Variants in KCNH7 observed in about 807,000 individuals in gnomAD.
The protein encoded by KCNH7 is voltage-gated inwardly rectifying potassium channel KCNH7.
Under a neutral mutation model 120.8 loss-of-function variants are expected in KCNH7, and 49 were observed. That is an observed-to-expected ratio of 0.41 (90% confidence interval 0.32 to 0.51). The LOEUF is 0.51. Ranked by LOEUF, KCNH7 falls within the 20% of genes least tolerant of loss-of-function variation. KCNH7 has a pLI of 0.38. For missense variants in KCNH7, 1,097 were observed against 1,446.6 expected (o/e 0.76, Z 3.92); for synonymous variants, 547 against 516.1 (o/e 1.06, Z -0.81).
intron 2 of KCNH7, among the ~76,000 whole-genome samples, chr2:162,663,225 G>A (rs1383626038): frequency 3.3e-5 from 5 of 152,188 alleles, no homozygotes; most frequent in Non-Finnish European, 5.9e-5. Flanking sequence ...GTAGGCACAT[G>A]GCAGACGTCT....
chr2:162,660,345 G>A (rs1684915779), intron 2 of KCNH7, among the ~76,000 whole-genome samples: 1 of 152,014 alleles, frequency 6.6e-6, no homozygotes, highest in Admixed American at 6.5e-5. Flanking sequence ...TTAGTTCAAA[G>A]TCTTTTTAAT....
chr2:162,827,468 A>T (rs1685327898), intron 2 of KCNH7, among the ~76,000 whole-genome samples: 1 of 152,144 alleles, frequency 6.6e-6, no homozygotes. Flanking sequence ...GCCATTTAAA[A>T]TGATGCAGAT....
At chr2:162,422,113 T>A (rs968863833) in intron 9 of KCNH7, among the ~76,000 whole-genome samples, 4 of 152,058 alleles carry the variant, frequency 2.6e-5, no homozygotes, top group Non-Finnish European at 5.9e-5. Flanking sequence ...ACTCATGGAG[T>A]TTTGTGTGAA....
At chr2:162,469,323 C>T (rs1296528261) in intron 6 of KCNH7, among the ~76,000 whole-genome samples, 1 of 152,136 alleles carries the variant, frequency 6.6e-6, no homozygotes, top group African/African-American at 2.4e-5. Flanking sequence ...AATTGAACAA[C>T]TATGCTTTTG....
At chr2:162,652,450 G>C (rs1023220181) in intron 2 of KCNH7, among the ~76,000 whole-genome samples, 6 of 152,102 alleles carry the variant, frequency 3.9e-5, no homozygotes, top group Non-Finnish European at 7.4e-5. Flanking sequence ...GGGTAGTGTG[G>C]GGGATTGTTT....
intron 2 of KCNH7, among the ~76,000 whole-genome samples, chr2:162,551,893 T>A (rs1452361168): frequency 6.6e-6 from 1 of 152,078 alleles, no homozygotes; most frequent in African/African-American, 2.4e-5. Flanking sequence ...TGGTGATAAA[T>A]TGTGAGGATT....
intron 2 of KCNH7, among the ~76,000 whole-genome samples, chr2:162,789,748 C>T (rs1683854033): frequency 6.6e-6 from 1 of 151,570 alleles, no homozygotes; most frequent in Non-Finnish European, 1.5e-5. Flanking sequence ...ACAACATACC[C>T]CTGAATATCC....
At chr2:162,378,529 G>A (rs940837729) in intron 14 of KCNH7, among the ~76,000 whole-genome samples, 1 of 152,194 alleles carries the variant, frequency 6.6e-6, no homozygotes, top group Non-Finnish European at 1.5e-5. Flanking sequence ...AAGTACAGAT[G>A]AGTAAGCAAG....
At chr2:162,502,304 T>C (rs1396250263) in intron 6 of KCNH7, 3 of 152,094 alleles carry the variant, frequency 2.0e-5, no homozygotes, top group Non-Finnish European at 4.4e-5. Context: ...CCTGCAGAGA[T>C]AATGAAGAGA....
chr2:162,769,163 T>C (rs1682942418), intron 2 of KCNH7, among the ~76,000 whole-genome samples: 1 of 152,202 alleles, frequency 6.6e-6, no homozygotes, highest in African/African-American at 2.4e-5. Flanking sequence ...CAAGGTATTC[T>C]GTGATCTACA....
At chr2:162,747,531 T>A (rs981366561) in intron 2 of KCNH7, among the ~76,000 whole-genome samples, 6 of 152,162 alleles carry the variant, frequency 3.9e-5, no homozygotes, top group African/African-American at 1.4e-4. Context: ...TGGGTGTGAG[T>A]TGAACAGCTG....
At chr2:162,521,676 A>G (rs1691528952) in intron 3 of KCNH7, among the ~76,000 whole-genome samples, 1 of 151,910 alleles carries the variant, frequency 6.6e-6, no homozygotes, top group South Asian at 2.1e-4. Context: ...TTGATGCAAG[A>G]ATACATTGTG....
chr2:162,686,388 A>G (rs1220335995), intron 2 of KCNH7, among the ~76,000 whole-genome samples: 2 of 152,260 alleles, frequency 1.3e-5, no homozygotes, highest in East Asian at 1.9e-4. Flanking sequence ...CTAATTTCCC[A>G]AACAAATAAA....
intron 2 of KCNH7, among the ~76,000 whole-genome samples, chr2:162,596,881 T>C (rs1694397457): frequency 6.6e-6 from 1 of 151,858 alleles, no homozygotes; most frequent in African/African-American, 2.4e-5. Flanking sequence ...AACCCAATTA[T>C]AACCAGGCAG....
intron 6 of KCNH7, among the ~76,000 whole-genome samples, chr2:162,490,155 G>C (rs952994098): frequency 6.6e-6 from 1 of 152,204 alleles, no homozygotes; most frequent in Non-Finnish European, 1.5e-5. Context: ...TCTTACACCA[G>C]ATGTTTTGTG....
intron 3 of KCNH7, among the ~76,000 whole-genome samples, chr2:162,532,285 A>G (rs1691949806): frequency 6.6e-6 from 1 of 151,938 alleles, no homozygotes; most frequent in South Asian, 2.1e-4. Flanking sequence ...GTGTTGGGAC[A>G]CTTATTAAAC....
At chr2:162,624,435 A>G (rs1683471637) in intron 2 of KCNH7, among the ~76,000 whole-genome samples, 1 of 152,190 alleles carries the variant, frequency 6.6e-6, no homozygotes, top group South Asian at 2.1e-4. Flanking sequence ...TGATCAGAAA[A>G]GCTAAGATTT....
At position 162,748,714 on chromosome 2, in the gene KCNH7, A is replaced by G. The variant is rs540154964; in HGVS notation, c.307+87823T>C. Among the ~76,000 whole-genome samples, 4 of 152,288 alleles carry G rather than the reference A, an allele frequency of 2.6e-5. No homozygotes were observed. The East Asian group carries it at 5.8e-4, about 22-fold the overall frequency. Reference sequence around the variant, plus strand: ...TGTTCTCTTCTGTGATAACTTTCCAATGACTCTAAAGATTATGGAGATGAT... The same window carrying G: ...TGTTCTCTTCTGTGATAACTTTCCAGTGACTCTAAAGATTATGGAGATGAT... On this transcript the variant is annotated intron_variant, in intron 2 of 15. Coordinates refer to ENST00000332142, the MANE Select transcript of KCNH7 (RefSeq NM_033272.4).
intron 2 of KCNH7, among the ~76,000 whole-genome samples, chr2:162,584,901 C>CT (rs5835912): frequency 0.077 from 9,743 of 126,484 alleles, 426 homozygotes; most frequent in East Asian, 0.18. Flanking sequence ...CAATCCCCAG[C>CT]TTTTTTTTTT....
Sources: gnomAD v4.1 joint callset for allele counts (sites outside exome capture counted in the v4.1 genomes callset) on GRCh38, gnomAD v4.1.1 for gene constraint, MANE v1.5 for transcripts, NCBI Gene and HGNC (gene_info 2026-07-23, HGNC 2026-07-21) for gene names.